Variants in MRPL40 observed in about 807,000 individuals in gnomAD.
MRPL40 encodes large ribosomal subunit protein mL40.
A neutral mutation model predicts 24.5 loss-of-function variants in MRPL40; 18 were observed. The ratio of observed to expected loss-of-function variants is 0.73; its 90% CI spans 0.51 to 1.09. MRPL40 has a LOEUF of 1.09. Among genes scored for constraint, MRPL40 ranks in the 50% least tolerant of loss-of-function variants. MRPL40 has a pLI of 0.00. For missense variants in MRPL40, 256 were observed against 243.8 expected, an observed-to-expected ratio of 1.05 and a Z score of -0.33; for synonymous variants, 108 against 94.6, an observed-to-expected ratio of 1.14 and a Z score of -0.82.
chr22:19,433,537 A>T (rs1375956246), intron 2 of MRPL40, among the ~76,000 whole-genome samples, 189 bp downstream of exon 2: 1 of 152,190 alleles, frequency 6.6e-6, no homozygotes, highest in Non-Finnish European at 1.5e-5. Flanking sequence ...TGTAATTTTT[A>T]AAATTTGAGC....
Position 19,432,547 on chromosome 22 carries a change from G to C in MRPL40, c.-8G>C. 6.5e-7 allele frequency: 1 copy of C among 1,547,806 alleles called. No individual in the cohort carries two copies. The highest frequency in any genetic ancestry group is 2.0e-5 in the Admixed American group (1 of 51,120). Reference sequence around the variant, plus strand: ...AGGGGCGCACGCCCGGAAGCGGCGAGGGTAGCCATGACGGCCTCCGTGCTG... The same window carrying C: ...AGGGGCGCACGCCCGGAAGCGGCGACGGTAGCCATGACGGCCTCCGTGCTG... On this transcript the variant is annotated 5_prime_UTR_variant, in exon 1 of 4. Transcript: ENST00000333130.
chr22:19,435,944 A>G lies in MRPL40; in HGVS notation c.603A>G (p.Gln201=). Residue 201 remains glutamine (Q), a synonymous_variant, in exon 4 of 4, where the codon CAA becomes CAG. Coordinates refer to ENST00000333130, the MANE Select transcript of MRPL40 (RefSeq NM_003776.4). The part of the protein sequence containing the change: ...RYNDITKVYT[Q]VEFKR ...ATGACATCACCAAGGTGTACACACA[A>G]GTGGAGTTTAAGAGATAGACTTGCA... 6.2e-7 allele frequency: 1 copy of G among 1,613,812 alleles called. No homozygotes were observed. The highest frequency in any genetic ancestry group is 8.5e-7 in the Non-Finnish European group (1 of 1,179,770).
At position 19,433,338 on chromosome 22, in the gene MRPL40, A is replaced by G. The variant is rs757361951; in HGVS notation, c.127A>G (p.Ile43Val). 2.5e-6 allele frequency: 4 copies of G among 1,604,168 alleles called. No homozygotes were observed. In the South Asian group the frequency reaches 4.4e-5, roughly 18 times the overall value. Residue 43 changes from isoleucine to valine, a missense_variant, in exon 2 of 4, where the codon ATT becomes GTT. By Grantham distance (29) the Ile-to-Val change is conservative. Coordinates refer to ENST00000333130, the MANE Select transcript of MRPL40 (RefSeq NM_003776.4). ...GTCATTGTTGTCTTTCTGGGAACTC[A>G]TTCCCATGAGGTAAAACTCAATCGA... ...RASLLSFWELIPMRSEPLRKK... is the reference protein window; with the variant it reads ...RASLLSFWELVPMRSEPLRKK...
chr22:19,432,896 T>A, intron 1 of MRPL40: 1 of 1,283,382 alleles, frequency 7.8e-7, no homozygotes, highest in African/African-American at 1.5e-5. Context: ...AGCATTGCAA[T>A]TTTTTATTTT....
chr22:19,436,022 G>GA lies in MRPL40; in HGVS notation c.*60_*61insA. On this transcript the variant is annotated 3_prime_UTR_variant, in exon 4 of 4. Transcript: ENST00000333130. ...GAGAGTAGGAATGACCAGGGTTCAA[G>GA]TCTGCTTTCCACAGAATCAGGCATG... 2.2e-6 allele frequency: 3 copies of GA among 1,382,396 alleles called. No individual in the cohort carries two copies. Among genetic ancestry groups the GA allele is most frequent in the Non-Finnish European group, 3.0e-6 (3 of 995,388 alleles). 85.6% of individuals were successfully genotyped at this position (1,382,396 alleles called of 1,614,324 possible). A position where few individuals can be genotyped will look rare whatever the true frequency, so the allele number is the denominator to read the frequency against.
chr22:19,435,263 A>G (rs1316018281), intron 3 of MRPL40, among the ~76,000 whole-genome samples: 3 of 152,102 alleles, frequency 2.0e-5, no homozygotes, highest in East Asian at 1.9e-4. Flanking sequence ...TATCATGCAG[A>G]TATCTTTGGT....
chr22:19,435,338 G>T (rs973831969), intron 3 of MRPL40, among the ~76,000 whole-genome samples: 1 of 152,216 alleles, frequency 6.6e-6, no homozygotes, highest in Non-Finnish European at 1.5e-5. Flanking sequence ...TGTAAGCAGT[G>T]TGCACCATCT....
chr22:19,434,828 A>G lies in MRPL40; in HGVS notation c.230A>G (p.Lys77Arg). ...RLKRKIRKLE[K>R]ATQELIPIED... ...AAAAGGAAGATCCGAAAACTGGAAA[A>G]GGCTACTCAAGAGCTAATTCCTATT... Residue 77 changes from lysine to arginine, a missense_variant, in exon 3 of 4, where the codon AAG becomes AGG. Lys to Arg is a conservative substitution (Grantham distance 26, BLOSUM62 2). Coordinates refer to ENST00000333130, the MANE Select transcript of MRPL40 (RefSeq NM_003776.4). 1 of 1,612,200 alleles carries G rather than the reference A, an allele frequency of 6.2e-7. No homozygotes were observed. Among genetic ancestry groups the G allele is most frequent in the South Asian group, 1.1e-5 (1 of 90,594 alleles).
chr22:19,435,795 C>T lies in MRPL40; in HGVS notation c.454C>T (p.Leu152=). The change falls in exon 4 of 4, where the codon CTG becomes TTG. Residue 152 remains leucine, a synonymous_variant. Coordinates refer to ENST00000333130, the MANE Select transcript of MRPL40 (RefSeq NM_003776.4). ...GCAGGAAGCTCTGGAGGAACTGCAA[C>T]TGGAATCCCCGAAGCTCCATGCTGA... ...AQQEALEELQ[L]ESPKLHAEAI... 6.2e-7 allele frequency: 1 copy of T among 1,614,206 alleles called. No homozygotes were observed. Among genetic ancestry groups the T allele is most frequent in the Non-Finnish European group, 8.5e-7 (1 of 1,180,032 alleles).
At chr22:19,432,784 G>A (rs935835141) in intron 1 of MRPL40, 177 bp downstream of exon 1, 6 of 1,387,426 alleles carry the variant, frequency 4.3e-6, no homozygotes, top group Middle Eastern at 1.9e-4. Flanking sequence ...GGCGAGCAGC[G>A]GTCCTGCTTA....
rs763959832 is a variant in MRPL40 at position 19,434,836 on chromosome 22, CAA to C, written c.239_240del (p.Gln80ArgfsTer6). The C allele has an allele frequency of 1.2e-5, 20 of 1,611,388 alleles. No homozygotes were observed. Among genetic ancestry groups the C allele is most frequent in the African/African-American group, 1.1e-4 (8 of 74,726 alleles). Reference sequence around the variant, plus strand: ...GATCCGAAAACTGGAAAAGGCTACTCAAGAGCTAATTCCTATTGAAGATTTTA... The same window carrying C: ...GATCCGAAAACTGGAAAAGGCTACTCGAGCTAATTCCTATTGAAGATTTTA... ...RKIRKLEKAT[Q>X]ELIPIEDFIT... On this transcript the variant is annotated frameshift_variant, in exon 3 of 4. Coordinates refer to ENST00000333130, the MANE Select transcript of MRPL40 (RefSeq NM_003776.4). LOFTEE classifies it high-confidence loss of function.
chr22:19,432,598 C>T lies in MRPL40; in HGVS notation c.44C>T (p.Pro15Leu), dbSNP rs1435410115. ...VLRSISLALR[P>L]TSGLLGTWQT... ...CGAAGTATCTCGCTAGCCCTGCGCC[C>T]GACTAGCGGGTGAGTGCGGACGCTG... Residue 15 changes from proline to leucine, a missense_variant, in exon 1 of 4, where the codon CCG (proline) becomes CTG (leucine). Transcript: ENST00000333130. 6.4e-7 allele frequency: 1 copy of T among 1,554,288 alleles called. No individual in the cohort carries two copies. The highest frequency in any genetic ancestry group is 8.7e-7 in the Non-Finnish European group (1 of 1,150,328).
intron 2 of MRPL40, among the ~76,000 whole-genome samples, chr22:19,433,672 G>C (rs998848824): frequency 6.6e-6 from 1 of 152,176 alleles, no homozygotes; most frequent in Non-Finnish European, 1.5e-5. Flanking sequence ...TGGAGAGTGT[G>C]GGGAAGATGC....
In MRPL40 at chr22:19,433,805, C is replaced by G. The variant is rs568437897; in HGVS notation, c.137+457C>G. Among the ~76,000 whole-genome samples, 9 of 152,238 alleles carry G rather than the reference C, an allele frequency of 5.9e-5. No individual in the cohort carries two copies. In the East Asian group the frequency reaches 1.7e-3, roughly 29 times the overall value. ...TGAGATGGAGTCTCACTGTGTCACC[C>G]AGGCTGGAGTGCAGTGGTGTGACCT... On this transcript the variant is annotated intron_variant, in intron 2 of 3. Coordinates refer to ENST00000333130, the MANE Select transcript of MRPL40 (RefSeq NM_003776.4).
At chr22:19,435,349 A>G (rs2089580054) in intron 3 of MRPL40, among the ~76,000 whole-genome samples, 1 of 152,202 alleles carries the variant, frequency 6.6e-6, no homozygotes, top group Non-Finnish European at 1.5e-5. Flanking sequence ...TGCACCATCT[A>G]TAAAGGGGCA....
intron 3 of MRPL40, 29 bp downstream of exon 3, chr22:19,434,923 C>G: frequency 6.4e-7 from 1 of 1,554,116 alleles, no homozygotes; most frequent in South Asian, 1.2e-5. Flanking sequence ...GGATGAAGTC[C>G]TCAGGACAAA....
intron 2 of MRPL40, 39 bp downstream of exon 2, chr22:19,433,387 G>C (rs757991268): frequency 7.9e-7 from 1 of 1,263,372 alleles, no homozygotes; most frequent in South Asian, 1.2e-5. Flanking sequence ...GGGGGTAAAG[G>C]TGTCAGTCTA....
chr22:19,433,886 C>T (rs1420196593), intron 2 of MRPL40, among the ~76,000 whole-genome samples: 3 of 152,052 alleles, frequency 2.0e-5, no homozygotes, highest in Non-Finnish European at 4.4e-5. Flanking sequence ...CCTCAGCCTC[C>T]CAAGTAGCTG....
rs1169350311 is a variant in MRPL40, at chr22:19,434,925, C to T, written c.296+31C>T. 4 of 1,548,176 alleles carry T rather than the reference C, an allele frequency of 2.6e-6. No homozygotes were observed. In the South Asian group the frequency reaches 4.9e-5, roughly 19 times the overall value. On this transcript the variant is annotated intron_variant, in intron 3 of 3. Coordinates refer to ENST00000333130, the MANE Select transcript of MRPL40 (RefSeq NM_003776.4). ...GATCCTTCTCTAGGGATGAAGTCCT[C>T]AGGACAAAGGAGTAATATCAACTTC...
Sources: allele counts gnomAD v4.1 joint callset (sites outside exome capture counted in the v4.1 genomes callset), GRCh38; gene constraint gnomAD v4.1.1; transcripts MANE v1.5; gene names NCBI Gene and HGNC (gene_info 2026-07-23, HGNC 2026-07-21).